The following KMT2E variants were observed in gnomAD, a reference collection of about 807,000 sequenced individuals.
KMT2E encodes the protein histone reader KMT2E.
Under a neutral mutation model 184.6 loss-of-function variants are expected in KMT2E, and 30 were observed. The ratio of observed to expected loss-of-function variants is 0.16; its 90% CI spans 0.12 to 0.22. KMT2E has a LOEUF of 0.22. Among genes scored for constraint, KMT2E ranks in the 10% least tolerant of loss-of-function variants. The probability of loss-of-function intolerance (pLI) is 1.00; values close to 1 mark genes in which losing one functional copy is unlikely to be tolerated. For synonymous variants in KMT2E, 815 were observed against 776.5 expected, an observed-to-expected ratio of 1.05 and a Z score of -0.82; for missense variants, 2,023 against 2,237.4, an observed-to-expected ratio of 0.90 and a Z score of 1.93.
At chr7:105,070,450 G>T (rs902672190) in intron 6 of KMT2E, among the ~76,000 whole-genome samples, 1 of 151,492 alleles carries the variant, frequency 6.6e-6, no homozygotes, top group Non-Finnish European at 1.5e-5. Context: ...AGGCAACATG[G>T]CAAGGCACCA....
chr7:105,016,995 G>A (rs1292400548), intron 1 of KMT2E, among the ~76,000 whole-genome samples: 1 of 152,112 alleles, frequency 6.6e-6, no homozygotes, highest in East Asian at 1.9e-4. Context: ...GTGGGTAGTG[G>A]GCGAAATTTG....
At chr7:105,105,179 T>TA (rs1798846051) in intron 17 of KMT2E, 4 of 294,624 alleles carry the variant, frequency 1.4e-5, no homozygotes, top group Non-Finnish European at 2.5e-5. Context: ...AAAAAAGTAA[T>TA]ACAAATTTCA....
intron 15 of KMT2E, among the ~76,000 whole-genome samples, chr7:105,093,727 A>C (rs1798299878): frequency 6.6e-6 from 1 of 152,156 alleles, no homozygotes; most frequent in East Asian, 1.9e-4. Context: ...AACTTGGTGG[A>C]ACTTAGAAAA....
chr7:105,087,317 A>G (rs1275846343), intron 13 of KMT2E, among the ~76,000 whole-genome samples: 1 of 142,066 alleles, frequency 7.0e-6, no homozygotes, highest in Non-Finnish European at 1.5e-5. Flanking sequence ...ATATAAATAT[A>G]GCATATATTA....
intron 5 of KMT2E, 88 bp downstream of exon 5, chr7:105,063,668 G>C: frequency 1.2e-6 from 1 of 814,898 alleles, no homozygotes; most frequent in Non-Finnish European, 1.9e-6. Flanking sequence ...TCACTTTCAA[G>C]GGAATTAATG....
chr7:105,078,917 G>A lies in KMT2E; in HGVS notation c.1202G>A (p.Gly401Glu). ...ATGTGTGTTGATGCAAGGACTTTTG[G>A]GAATGAGGCTCGATTCATCAGGCGG... ...LEMCVDARTFGNEARFIRRSC... is the reference protein window; with the variant it reads ...LEMCVDARTFENEARFIRRSC... The change falls in exon 12 of 27, where the codon GGG (glycine) becomes GAG (glutamate). Residue 401 changes from glycine (G) to glutamate (E), a missense_variant. Physicochemically the swap from Gly to Glu is moderately conservative, Grantham distance 98. Around this residue, in one of 8 missense-constraint regions of KMT2E, gnomAD observed 68 missense variants for 133.1 expected, o/e 0.51. Coordinates refer to ENST00000311117, the MANE Select transcript of KMT2E (RefSeq NM_182931.3). 1 of 1,611,908 alleles carries A rather than the reference G, an allele frequency of 6.2e-7. No homozygotes were observed. Among genetic ancestry groups the A allele is most frequent in the Non-Finnish European group, 8.5e-7 (1 of 1,178,382 alleles).
Position 105,066,710 on chromosome 7 carries a change from GCTT to G in KMT2E, c.417-16_417-14del, listed in dbSNP as rs1407904107. ...ACTTAAATAATATTACATATGTTCT[GCTT>G]TTTTTTTTTTAAGCGTTTGGCAACA... is the stretch of plus-strand genomic sequence containing the variant. On this transcript the variant is annotated splice_polypyrimidine_tract_variant and intron_variant, in intron 5 of 26. Transcript: ENST00000311117. 1.4e-6 allele frequency: 2 copies of G among 1,464,170 alleles called. No homozygotes were observed. The highest frequency in any genetic ancestry group is 1.1e-5 in the South Asian group (1 of 87,266). 90.7% of individuals were successfully genotyped at this position (1,464,170 alleles called of 1,614,324 possible). A position where few individuals can be genotyped will look rare whatever the true frequency, so the allele number is the denominator to read the frequency against.
At chr7:105,085,970 C>A (rs1797947299) in intron 13 of KMT2E, among the ~76,000 whole-genome samples, 1 of 152,104 alleles carries the variant, frequency 6.6e-6, no homozygotes. Flanking sequence ...CCACCACCGG[C>A]CCTTTAATTT....
chr7:105,065,180 T>C (rs1256985040), intron 5 of KMT2E, among the ~76,000 whole-genome samples: 1 of 152,196 alleles, frequency 6.6e-6, no homozygotes, highest in Admixed American at 6.5e-5. Context: ...TAACTTTACG[T>C]TGGCTCATTA....
chr7:105,090,000 T>C lies in KMT2E; in HGVS notation c.1359-9T>C. On this transcript the variant is annotated splice_polypyrimidine_tract_variant and intron_variant, in intron 13 of 26. Coordinates refer to ENST00000311117, the MANE Select transcript of KMT2E (RefSeq NM_182931.3). ...TTTGAAATAAATATTTAACTGGTTA[T>C]CTTTCCAGTAAGTACAAGGTGGACT... 1 of 1,593,028 alleles carries C rather than the reference T, an allele frequency of 6.3e-7. No homozygotes were observed. Among genetic ancestry groups the C allele is most frequent in the Non-Finnish European group, 8.5e-7 (1 of 1,172,826 alleles).
intron 1 of KMT2E, among the ~76,000 whole-genome samples, chr7:105,015,496 A>G (rs1794679575): frequency 6.6e-6 from 1 of 152,220 alleles, no homozygotes; most frequent in Non-Finnish European, 1.5e-5. Flanking sequence ...AGAGATGTGA[A>G]TAAGGTAAGG....
chr7:105,088,318 C>G (rs1365704702), intron 13 of KMT2E, among the ~76,000 whole-genome samples: 1 of 152,172 alleles, frequency 6.6e-6, no homozygotes, highest in African/African-American at 2.4e-5. Flanking sequence ...GTCCTAAAAT[C>G]AAACATCTAG....
rs1191175237 is a variant in KMT2E, at chr7:105,081,706, G to C, written c.1267G>C (p.Asp423His). The C allele has an allele frequency of 2.0e-6, 3 of 1,483,842 alleles. No individual in the cohort carries two copies. Among genetic ancestry groups the C allele is most frequent in the Non-Finnish European group, 2.8e-6 (3 of 1,081,112 alleles). 91.9% of individuals were successfully genotyped at this position (1,483,842 alleles called of 1,614,324 possible). The change falls in exon 13 of 27, where the codon GAT (aspartate) becomes CAT (histidine). Residue 423 changes from aspartate (D) to histidine (H), a missense_variant. Physicochemically the swap from Asp to His is moderately conservative, Grantham distance 81 (BLOSUM62 -1). This residue lies in a region of KMT2E where 68 missense variants were observed against 133.1 expected (regional missense o/e 0.51). Transcript: ENST00000311117. ...CTTTTAGGTGAGGCATGAAATTCAAGATGGAACCATACATCTTTATATTTA... is the reference window on the plus strand; with the variant it reads ...CTTTTAGGTGAGGCATGAAATTCAACATGGAACCATACATCTTTATATTTA... ...PNAEVRHEIQ[D>H]GTIHLYIYSI...
intron 1 of KMT2E, among the ~76,000 whole-genome samples, chr7:105,034,049 T>A (rs1293040625): frequency 6.6e-6 from 1 of 152,186 alleles, no homozygotes; most frequent in Non-Finnish European, 1.5e-5. Flanking sequence ...GCCCTCATGA[T>A]CCAGACACCT....
At position 105,074,326 on chromosome 7, in the gene KMT2E, T is replaced by C. The variant is rs1797444374; in HGVS notation, c.557-317T>C. 2.0e-5 allele frequency among the ~76,000 whole-genome samples: 3 copies of C among 152,216 alleles called. 1 individual carries two copies. Among genetic ancestry groups the C allele is most frequent in the South Asian group, 4.1e-4 (2 of 4,834 alleles). On this transcript the variant is annotated intron_variant, in intron 7 of 26. Coordinates refer to ENST00000311117, the MANE Select transcript of KMT2E (RefSeq NM_182931.3). ...GGCTGGGTCAGAAGGTATGTACATA[T>C]ATAATTTTGCTAGATATGGCTGAAT...
At chr7:105,054,028 CCGGGCAT>C (rs1562894399) in intron 3 of KMT2E, among the ~76,000 whole-genome samples, 3 of 151,956 alleles carry the variant, frequency 2.0e-5, no homozygotes. Flanking sequence ...AAAAAACTTA[CCGGGCAT>C]GGTGGCACGT....
intron 5 of KMT2E, chr7:105,063,990 C>A (rs1562901185): frequency 2.2e-6 from 1 of 454,692 alleles, no homozygotes; most frequent in African/African-American, 2.0e-5. Flanking sequence ...GTTTGTTTGA[C>A]CTGACTCTCT....
In KMT2E at chr7:105,107,664, G is replaced by C; in HGVS notation, c.3207G>C (p.Lys1069Asn). 6.2e-7 allele frequency: 1 copy of C among 1,614,128 alleles called. No individual in the cohort carries two copies. The highest frequency in any genetic ancestry group is 8.5e-7 in the Non-Finnish European group (1 of 1,180,028). Residue 1069 changes from lysine (K) to asparagine (N), a missense_variant, in exon 22 of 27, where the codon AAG becomes AAC. Transcript: ENST00000311117. ...GRGTMYSSWV[K>N]SPDRTGVNFS... is the part of the protein sequence containing the mutation. ...GCACAATGTATTCTTCCTGGGTAAA[G>C]AGCCCTGACAGAACAGGAGTTAACT...
intron 15 of KMT2E, among the ~76,000 whole-genome samples, chr7:105,095,257 CAT>C (rs1369928011): frequency 3.9e-5 from 6 of 152,150 alleles, no homozygotes; most frequent in South Asian, 2.1e-4. Flanking sequence ...CTAGGTAATA[CAT>C]GTTTATATTT....
Sources: allele counts gnomAD v4.1 joint callset (sites outside exome capture counted in the v4.1 genomes callset), GRCh38; gene constraint gnomAD v4.1.1; regional missense constraint gnomAD v4.1.1; transcripts MANE v1.5; gene names NCBI Gene and HGNC (gene_info 2026-07-23, HGNC 2026-07-21).